PPDPFL: variants seen among roughly 807,000 people sequenced by gnomAD.
The protein encoded by PPDPFL is pancreatic progenitor cell differentiation and proliferation factor-like protein.
Under a neutral mutation model 12.6 loss-of-function variants are expected in PPDPFL, and 12 were observed. The observed-to-expected ratio is 0.95, with a 90% CI of 0.61 to 1.54. The LOEUF (loss-of-function observed/expected upper bound fraction) is 1.54. Ranked by LOEUF, PPDPFL falls within the 40% of genes most tolerant of loss-of-function variation. The pLI is 0.00. For synonymous variants in PPDPFL, 24 were observed against 32.7 expected (o/e 0.73, Z 0.91); for missense variants, 114 against 96.0 (o/e 1.19, Z -0.78).
intron 1 of PPDPFL, among the ~76,000 whole-genome samples, chr8:49,059,633 G>A (rs1396823085): frequency 6.6e-6 from 1 of 152,156 alleles, no homozygotes; most frequent in African/African-American, 2.4e-5. Flanking sequence ...CTCTTTGCAT[G>A]TTTTTGTGAT....
In PPDPFL at chr8:49,072,848, C is replaced by T. The variant is rs1808417251; in HGVS notation, c.18C>T (p.Ser6=). The part of the protein sequence containing the change: MASVP[S]IGCLLARNQY... ...GTAAAGCCATGGCATCCGTACCTTC[C>T]ATTGGTTGCCTTCTAGCCAGAAATC... Residue 6 remains serine, a synonymous_variant, in exon 2 of 5, where the codon TCC becomes TCT. Transcript: ENST00000522267. The T allele has an allele frequency of 6.2e-7, 1 of 1,606,146 alleles. No individual in the cohort carries two copies. The highest frequency in any genetic ancestry group is 1.7e-5 in the Admixed American group (1 of 58,376).
At chr8:49,071,646 A>T (rs1808392398), upstream of PPDPFL, among the ~76,000 whole-genome samples, 1 of 151,258 alleles carries the variant, frequency 6.6e-6, no homozygotes, top group Non-Finnish European at 1.5e-5. Flanking sequence ...ACAGAGTGAG[A>T]CTCCGCCTCA....
At chr8:49,054,672 T>G (rs1808085879) in intron 1 of PPDPFL, among the ~76,000 whole-genome samples, 1 of 152,120 alleles carries the variant, frequency 6.6e-6, no homozygotes, top group Non-Finnish European at 1.5e-5. Flanking sequence ...CGTGTGTGTG[T>G]GTATACTCTT....
upstream of PPDPFL, among the ~76,000 whole-genome samples, chr8:49,069,768 C>T (rs1310961540): frequency 1.3e-5 from 2 of 152,300 alleles, no homozygotes; most frequent in Middle Eastern, 3.4e-3. Context: ...AACCCCATCT[C>T]TGCTAAAAAT....
chr8:49,065,150 C>CA (rs910048088), intron 1 of PPDPFL, among the ~76,000 whole-genome samples: 1 of 151,792 alleles, frequency 6.6e-6, no homozygotes, highest in African/African-American at 2.4e-5. Context: ...AACAAAAAAA[C>CA]AAAAAAACAA....
At chr8:49,059,724 C>A (rs1808167258) in intron 1 of PPDPFL, among the ~76,000 whole-genome samples, 1 of 152,156 alleles carries the variant, frequency 6.6e-6, no homozygotes, top group Admixed American at 6.5e-5. Flanking sequence ...TTGCTTGTGT[C>A]TTCCTGTACT....
chr8:49,074,800 C>T (rs986217510), intron 4 of PPDPFL: 7 of 1,429,468 alleles, frequency 4.9e-6, no homozygotes, highest in Non-Finnish European at 5.5e-6. Context: ...ATTTTGAACT[C>T]AAACACACTG....
chr8:49,060,516 T>G (rs1308700884), intron 1 of PPDPFL, among the ~76,000 whole-genome samples: 3 of 152,150 alleles, frequency 2.0e-5, no homozygotes, highest in African/African-American at 7.2e-5. Flanking sequence ...TTTCTCCATG[T>G]TGGTCAGGCT....
At chr8:49,068,097 G>A (rs568894234), upstream of PPDPFL, among the ~76,000 whole-genome samples, 3 of 152,206 alleles carry the variant, frequency 2.0e-5, no homozygotes, top group South Asian at 6.2e-4. Flanking sequence ...CTTATTACCA[G>A]GCAAAGAAGG....
chr8:49,057,247 G>A (rs1374737747), intron 1 of PPDPFL, among the ~76,000 whole-genome samples: 1 of 152,092 alleles, frequency 6.6e-6, no homozygotes, highest in African/African-American at 2.4e-5. Flanking sequence ...AGTTTTTGAT[G>A]AAATATTTAT....
upstream of PPDPFL, among the ~76,000 whole-genome samples, chr8:49,071,956 G>C (rs818557): frequency 0.33 from 49,513 of 152,060 alleles, 8,471 homozygotes; most frequent in South Asian, 0.49. Flanking sequence ...CTGTGGGCAG[G>C]TATGTTCAGT....
chr8:49,063,647 G>T (rs550137055), intron 1 of PPDPFL, among the ~76,000 whole-genome samples: 1 of 152,208 alleles, frequency 6.6e-6, no homozygotes, highest in South Asian at 2.1e-4. Context: ...GAGCCCAGGA[G>T]GTGGAGGTTG....
chr8:49,074,569 A>G (rs748971827), intron 4 of PPDPFL: 8 of 1,536,350 alleles, frequency 5.2e-6, no homozygotes, highest in Non-Finnish European at 7.0e-6. Flanking sequence ...GTGGTGGAGA[A>G]GTCATATGCC....
Position 49,074,250 on chromosome 8 carries a change from A to G in PPDPFL, c.150A>G (p.Ala50=). The G allele has an allele frequency of 2.5e-6, 4 of 1,613,952 alleles. No homozygotes were observed. The highest frequency in any genetic ancestry group is 3.4e-6 in the Non-Finnish European group (4 of 1,179,818). The part of the protein sequence containing the change: ...DKPQQGLPEV[A]ESTWWFKSFF... ...ATTTAATAGGGTTGCCTGAAGTGGCAGAATCCACCTGGTGGTTTAAATCGT... is the reference window on the plus strand; with the variant it reads ...ATTTAATAGGGTTGCCTGAAGTGGCGGAATCCACCTGGTGGTTTAAATCGT... Residue 50 remains alanine, a synonymous_variant, in exon 4 of 5, where the codon GCA becomes GCG. Coordinates refer to ENST00000522267, the MANE Select transcript of PPDPFL (RefSeq NM_001256597.2).
intron 4 of PPDPFL, 104 bp from the exon 5 acceptor site, chr8:49,075,048 A>G: frequency 6.7e-7 from 1 of 1,499,102 alleles, no homozygotes; most frequent in South Asian, 1.2e-5. Flanking sequence ...ATTGTTGGAA[A>G]GATGTTTTCT....
chr8:49,070,820 A>G (rs1232430602), upstream of PPDPFL, among the ~76,000 whole-genome samples: 2 of 152,224 alleles, frequency 1.3e-5, no homozygotes, highest in African/African-American at 4.8e-5. Flanking sequence ...ACTACACTCA[A>G]GCAAATTAAC....
chr8:49,058,041 A>G (rs139118371), intron 1 of PPDPFL, among the ~76,000 whole-genome samples: 180 of 152,316 alleles, frequency 1.2e-3, no homozygotes, highest in African/African-American at 4.3e-3. Context: ...GCACATTTAG[A>G]CAAAATCCAG....
At chr8:49,056,344 G>T (rs925961036) in intron 1 of PPDPFL, among the ~76,000 whole-genome samples, 2 of 152,090 alleles carry the variant, frequency 1.3e-5, no homozygotes, top group Admixed American at 6.6e-5. Context: ...CTTCTTGCAG[G>T]CTCTGCCCAA....
upstream of PPDPFL, among the ~76,000 whole-genome samples, chr8:49,069,263 T>C (rs1808344177): frequency 6.6e-6 from 1 of 152,158 alleles, no homozygotes; most frequent in African/African-American, 2.4e-5. Flanking sequence ...CAGTAACACA[T>C]TGGTAAGTAT....
Sources: allele counts gnomAD v4.1 joint callset (sites outside exome capture counted in the v4.1 genomes callset), GRCh38; gene constraint gnomAD v4.1.1; transcripts MANE v1.5; gene names NCBI Gene and HGNC (gene_info 2026-07-23, HGNC 2026-07-21).